The following ASB15 variants were observed in gnomAD, a reference collection of about 807,000 sequenced individuals.
The protein encoded by ASB15 is ankyrin repeat and SOCS box containing 15, also known as ankyrin repeat and SOCS box protein 15.
Under a neutral mutation model 58.0 loss-of-function variants are expected in ASB15, and 54 were observed. The observed-to-expected ratio is 0.93, with a 90% confidence interval of 0.75 to 1.17. The LOEUF is 1.17. Among genes scored for constraint, ASB15 ranks in the 50% most tolerant of loss-of-function variants. The probability of loss-of-function intolerance (pLI) is 0.00; values close to 1 mark genes in which losing one functional copy is unlikely to be tolerated. For missense variants in ASB15, 680 were observed against 707.4 expected (o/e 0.96, Z 0.44); for synonymous variants, 249 against 262.4 (o/e 0.95, Z 0.50).
chr7:123,623,561 C>T (rs866691291), intron 7 of ASB15, among the ~76,000 whole-genome samples: 1 of 151,966 alleles, frequency 6.6e-6, no homozygotes, highest in African/African-American at 2.4e-5. Flanking sequence ...TTGATAATCA[C>T]CCATTAAAAA....
At chr7:123,597,600 G>A (rs750368804), upstream of ASB15, among the ~76,000 whole-genome samples, 2 of 152,152 alleles carry the variant, frequency 1.3e-5, no homozygotes, top group Non-Finnish European at 2.9e-5. Flanking sequence ...GGGAGGCCAA[G>A]GTGGGCAGAT....
chr7:123,594,842 C>T (rs902172332), intron 1 of ASB15, among the ~76,000 whole-genome samples: 2 of 152,202 alleles, frequency 1.3e-5, no homozygotes, highest in Non-Finnish European at 2.9e-5. Context: ...GACGTTTAAG[C>T]CTGCAGAAGC....
At chr7:123,572,786 A>G (rs1375480012) in intron 1 of ASB15, among the ~76,000 whole-genome samples, 6 of 150,968 alleles carry the variant, frequency 4.0e-5, no homozygotes, top group Non-Finnish European at 8.9e-5. Flanking sequence ...GATGAGTTTT[A>G]TACATTTGTT....
Position 123,624,662 on chromosome 7 carries a change from A to G in ASB15, c.545A>G (p.His182Arg). ...TGTGTCAAGCGATGGTCAGCAATGC[A>G]TGAAGCAGCCAAGCAAGGCCGAAAA... ...QPCVKRWSAMHEAAKQGRKDI... is the reference protein window; with the variant it reads ...QPCVKRWSAMREAAKQGRKDI... The change falls in exon 8 of 12, where the codon CAT becomes CGT. Residue 182 changes from histidine to arginine, a missense_variant. Transcript: ENST00000451215. The G allele has an allele frequency of 6.2e-7, 1 of 1,614,222 alleles. No individual in the cohort carries two copies. Among genetic ancestry groups the G allele is most frequent in the Non-Finnish European group, 8.5e-7 (1 of 1,180,036 alleles).
chr7:123,569,441 A>T (rs921754886), intron 1 of ASB15, among the ~76,000 whole-genome samples: 1 of 152,180 alleles, frequency 6.6e-6, no homozygotes, highest in African/African-American at 2.4e-5. Context: ...AGTCATTACT[A>T]CCTGGTGTGG....
At chr7:123,588,276 C>A (rs887125965) in intron 1 of ASB15, among the ~76,000 whole-genome samples, 1 of 151,594 alleles carries the variant, frequency 6.6e-6, no homozygotes, top group African/African-American at 2.4e-5. Context: ...AGGTTTCTAG[C>A]ATTTGTCTAT....
chr7:123,579,922 G>A (rs898272843), intron 1 of ASB15, among the ~76,000 whole-genome samples: 3 of 151,982 alleles, frequency 2.0e-5, no homozygotes, highest in East Asian at 3.9e-4. Flanking sequence ...CTCATTTATT[G>A]AATGGCCACA....
chr7:123,581,409 G>T lies in ASB15; in HGVS notation c.-443+14321G>T, dbSNP rs571911512. Among the ~76,000 whole-genome samples the T allele has an allele frequency of 1.1e-4, 14 of 129,306 alleles. No individual in the cohort carries two copies. In the East Asian group the frequency reaches 3.0e-3, roughly 27 times the overall value. The allele number at this position is 129,306 out of a possible 152,430, so 84.8% of individuals were successfully genotyped here. A position where few individuals can be genotyped will look rare whatever the true frequency, so the allele number is the denominator to read the frequency against. ...AAACAAAACATGATCATTCAAGTGA[G>T]CACTTAAAAAAAAAAAAAAAAAAGG... On this transcript the variant is annotated intron_variant, in intron 1 of 13. Transcript: ENST00000451558.
intron 1 of ASB15, among the ~76,000 whole-genome samples, chr7:123,587,894 C>T (rs1327278465): frequency 6.6e-6 from 1 of 151,584 alleles, no homozygotes; most frequent in Non-Finnish European, 1.5e-5. Flanking sequence ...TGCCACTTAA[C>T]CATGGTACAT....
intron 8 of ASB15, among the ~76,000 whole-genome samples, 164 bp from the exon 9 acceptor site, chr7:123,626,946 C>G (rs1254380963): frequency 6.6e-6 from 1 of 152,170 alleles, no homozygotes. Context: ...CCATGTTAGC[C>G]AGGCTGATCT....
At chr7:123,636,782 T>C (rs1802448537) in intron 11 of ASB15, 27 bp from the exon 12 acceptor site, 1 of 1,577,950 alleles carries the variant, frequency 6.3e-7, no homozygotes, top group African/African-American at 1.4e-5. Context: ...AAAAAATTTT[T>C]TTGCTTATTT....
Position 123,616,291 on chromosome 7 carries a change from C to T in ASB15, c.160+18C>T. On this transcript the variant is annotated intron_variant, in intron 5 of 11. Transcript: ENST00000451215. The stretch of plus-strand genomic sequence containing the variant: ...AAAACAAGGTAAATGGGTGTACTAT[C>T]TACAGTGGGATGGACTGGAGATTCC... The T allele has an allele frequency of 6.2e-7, 1 of 1,609,574 alleles. No homozygotes were observed. Among genetic ancestry groups the T allele is most frequent in the Non-Finnish European group, 8.5e-7 (1 of 1,176,134 alleles).
At position 123,637,878 on chromosome 7, in the gene ASB15, T is replaced by TAAAAAAAAAAAAAAACAAA. The variant is rs1802500874; in HGVS notation, c.*912_*913insCAAAAAAAAAAAAAAAAAA. The TAAAAAAAAAAAAAAACAAA allele has an allele frequency of 1.9e-3, 98 of 52,458 alleles. 10 individuals are homozygous for TAAAAAAAAAAAAAAACAAA. The highest frequency in any genetic ancestry group is 4.1e-3 in the South Asian group (3 of 738). 3.2% of individuals were successfully genotyped at this position (52,458 alleles called of 1,614,324 possible). On this transcript the variant is annotated 3_prime_UTR_variant, in exon 12 of 12. Coordinates refer to ENST00000451215, the MANE Select transcript of ASB15 (RefSeq NM_001290258.2). ...AAATTCAACATGTCCCCAGATGAACTAAAAAAAAAAAAAAAAAAAAAACCT... is the reference window on the plus strand; with the variant it reads ...AAATTCAACATGTCCCCAGATGAACTAAAAAAAAAAAAAAACAAAAAAAAAAAAAAAAAAAAAAAAACCT...
upstream of ASB15, among the ~76,000 whole-genome samples, chr7:123,599,331 C>T (rs1013628985): frequency 2.6e-5 from 4 of 152,182 alleles, no homozygotes; most frequent in Non-Finnish European, 5.9e-5. Context: ...GTTTGAACAA[C>T]ACCATTTTTT....
chr7:123,626,129 T>C (rs1165508609), intron 8 of ASB15, among the ~76,000 whole-genome samples: 1 of 152,202 alleles, frequency 6.6e-6, no homozygotes, highest in African/African-American at 2.4e-5. Context: ...CTTATTCTTC[T>C]TAGGGTCACA....
intron 3 of ASB15, among the ~76,000 whole-genome samples, chr7:123,613,279 C>T (rs148835570): frequency 9.5e-4 from 144 of 151,586 alleles, no homozygotes; most frequent in Admixed American, 1.5e-3. Flanking sequence ...TGGAAATTGC[C>T]TGCAGAGCAC....
In ASB15 at chr7:123,618,336, T is replaced by C. The variant is rs187876873; in HGVS notation, c.451+599T>C. Among the ~76,000 whole-genome samples, 6 of 152,336 alleles carry C rather than the reference T, an allele frequency of 3.9e-5. No homozygotes were observed. The East Asian group carries it at 1.2e-3, about 29-fold the overall frequency. ...TTGTGAAAGCAGAGAGTGATAAGATTAACTCCAAATGACCCAGAGATAACA... is the reference window on the plus strand; with the variant it reads ...TTGTGAAAGCAGAGAGTGATAAGATCAACTCCAAATGACCCAGAGATAACA... On this transcript the variant is annotated intron_variant, in intron 7 of 11. Transcript: ENST00000451215.
chr7:123,581,386 A>G (rs1398393797), intron 1 of ASB15, among the ~76,000 whole-genome samples: 1 of 151,208 alleles, frequency 6.6e-6, no homozygotes. Flanking sequence ...GGGAGTGAAA[A>G]CAAAACATGA....
chr7:123,609,903 T>C (rs1430703795), intron 3 of ASB15, among the ~76,000 whole-genome samples: 1 of 152,188 alleles, frequency 6.6e-6, no homozygotes, highest in Non-Finnish European at 1.5e-5. Context: ...ACCAACCTCC[T>C]CACCATTTCA....
Sources: gnomAD v4.1 joint callset for allele counts (sites outside exome capture counted in the v4.1 genomes callset) on GRCh38, gnomAD v4.1.1 for gene constraint, MANE v1.5 for transcripts, NCBI Gene and HGNC (gene_info 2026-07-23, HGNC 2026-07-21) for gene names.